LIMA1: variants seen among roughly 807,000 people sequenced by gnomAD.
The protein encoded by LIMA1 is LIM domain and actin-binding protein 1.
Under a neutral mutation model 62.6 loss-of-function variants are expected in LIMA1, and 52 were observed. The observed-to-expected ratio is 0.83, with a 90% CI of 0.67 to 1.05. The LOEUF is 1.05. Ranked by LOEUF, LIMA1 falls within the 50% of genes least tolerant of loss-of-function variation. The pLI, the probability that LIMA1 is intolerant of heterozygous loss-of-function variation, is 0.00. For missense variants in LIMA1, 780 were observed against 902.2 expected (o/e 0.86, Z 1.74); for synonymous variants, 302 against 317.8 (o/e 0.95, Z 0.53).
intron 1 of LIMA1, among the ~76,000 whole-genome samples, chr12:50,266,780 T>C (rs1370910682): frequency 3.9e-5 from 6 of 152,248 alleles, no homozygotes; most frequent in Non-Finnish European, 5.9e-5. Context: ...ATTATTTTTA[T>C]TTTTTCCAAT....
chr12:50,215,878 C>T (rs137920360), intron 4 of LIMA1, among the ~76,000 whole-genome samples: 5,506 of 152,068 alleles, frequency 0.036, 128 homozygotes, highest in South Asian at 0.08. Flanking sequence ...GGCAAAACCC[C>T]GTCTCTACTA....
At chr12:50,229,922 T>G (rs1304160771) in intron 3 of LIMA1, 2 of 152,622 alleles carry the variant, frequency 1.3e-5, no homozygotes, top group African/African-American at 2.4e-5. Context: ...TTCAAATCTC[T>G]GCTCAAACGT....
At chr12:50,236,202 C>T (rs980813197) in intron 2 of LIMA1, among the ~76,000 whole-genome samples, 6 of 151,946 alleles carry the variant, frequency 3.9e-5, no homozygotes, top group Non-Finnish European at 5.9e-5. Context: ...AAAAGAACAT[C>T]TCATGACTCT....
At chr12:50,197,872 G>A (rs978355383) in intron 7 of LIMA1, among the ~76,000 whole-genome samples, 7 of 150,512 alleles carry the variant, frequency 4.7e-5, no homozygotes, top group Non-Finnish European at 7.4e-5. Flanking sequence ...TTATTCTTAA[G>A]AAATAATCTC....
At chr12:50,201,412 T>G in intron 6 of LIMA1, 1 of 983,138 alleles carries the variant, frequency 1.0e-6, no homozygotes, top group Non-Finnish European at 1.2e-6. Context: ...GGTGGGACTT[T>G]CAAAAAGCAT....
chr12:50,265,698 G>C (rs1235867692), intron 1 of LIMA1, among the ~76,000 whole-genome samples: 3 of 152,030 alleles, frequency 2.0e-5, no homozygotes, highest in Non-Finnish European at 1.5e-5. Context: ...TTATTCAAAA[G>C]TCAAATTAAA....
chr12:50,237,911 A>G (rs1941719241), intron 2 of LIMA1, among the ~76,000 whole-genome samples: 1 of 152,228 alleles, frequency 6.6e-6, no homozygotes, highest in South Asian at 2.1e-4. Context: ...AAATTGGACT[A>G]CCATATACAA....
chr12:50,254,027 CA>C (rs376086760), intron 1 of LIMA1, among the ~76,000 whole-genome samples: 59 of 93,764 alleles, frequency 6.3e-4, no homozygotes, highest in African/African-American at 1.1e-3. Context: ...GACTCTGTCT[CA>C]AAAAAAAAAA....
At position 50,231,672 on chromosome 12, in the gene LIMA1, T is replaced by A. The variant is rs1941613042; in HGVS notation, c.158A>T (p.Lys53Met). ...KAAEETNMEK[K>M]RSNTENLSQH... ...GAATTTCTGAATACTTACACTTCTCTTCTTCTCCATGTTTGTTTCTTCAGC... is the reference window on the plus strand; with the variant it reads ...GAATTTCTGAATACTTACACTTCTCATCTTCTCCATGTTTGTTTCTTCAGC... The change falls in exon 3 of 11, where the codon AAG becomes ATG. Residue 53 changes from lysine (K) to methionine (M), a missense_variant. By Grantham distance (95) the Lys-to-Met change is moderately conservative. Transcript: ENST00000341247. 3.7e-6 allele frequency: 6 copies of A among 1,614,062 alleles called. No homozygotes were observed. The highest frequency in any genetic ancestry group is 5.1e-6 in the Non-Finnish European group (6 of 1,179,898).
At chr12:50,227,683 A>G (rs1324029855) in intron 3 of LIMA1, among the ~76,000 whole-genome samples, 5 of 151,962 alleles carry the variant, frequency 3.3e-5, no homozygotes, top group African/African-American at 1.2e-4. Flanking sequence ...TAGAATACAA[A>G]GATTCTGCCA....
chr12:50,229,109 TC>T (rs1941572506), intron 3 of LIMA1, among the ~76,000 whole-genome samples: 1 of 152,216 alleles, frequency 6.6e-6, no homozygotes, highest in South Asian at 2.1e-4. Context: ...ACTACTCTAG[TC>T]CAAACCATAT....
At chr12:50,205,888 A>C in intron 5 of LIMA1, 96 bp downstream of exon 5, 1 of 748,888 alleles carries the variant, frequency 1.3e-6, no homozygotes. Flanking sequence ...AATTTGTGCC[A>C]CTCTTCCTTT....
chr12:50,260,159 T>C (rs1240061579), intron 1 of LIMA1, among the ~76,000 whole-genome samples: 4 of 151,846 alleles, frequency 2.6e-5, no homozygotes, highest in African/African-American at 9.7e-5. Flanking sequence ...TTTTTTTTTT[T>C]TTTTTTAGAC....
At chr12:50,239,632 T>A (rs947948145) in intron 2 of LIMA1, among the ~76,000 whole-genome samples, 3 of 70,358 alleles carry the variant, frequency 4.3e-5, no homozygotes, top group African/African-American at 1.6e-4. Flanking sequence ...AAAGCGAGAC[T>A]CTGTCTCAAA....
intron 4 of LIMA1, among the ~76,000 whole-genome samples, chr12:50,210,063 C>T (rs1357320972): frequency 6.6e-6 from 1 of 152,166 alleles, no homozygotes. Context: ...TGGAAGATAA[C>T]CACTACAAAA....
chr12:50,178,966 A>ATATTTTTTTTT (rs56674261), intron 10 of LIMA1, among the ~76,000 whole-genome samples: 2 of 128,930 alleles, frequency 1.6e-5, no homozygotes, highest in East Asian at 2.1e-4. Flanking sequence ...ATATATATAT[A>ATATTTTTTTTT]TTTTTTTTTT....
At chr12:50,280,964 G>A (rs915777728) in intron 1 of LIMA1, among the ~76,000 whole-genome samples, 1 of 152,100 alleles carries the variant, frequency 6.6e-6, no homozygotes, top group Admixed American at 6.6e-5. Flanking sequence ...CTTAGGACTC[G>A]TTATACATTT....
intron 8 of LIMA1, among the ~76,000 whole-genome samples, chr12:50,194,359 C>A (rs969716478): frequency 7.1e-6 from 1 of 141,098 alleles, no homozygotes; most frequent in Non-Finnish European, 1.5e-5. Flanking sequence ...TGCGATGGTG[C>A]GATCTCAGCT....
intron 10 of LIMA1, among the ~76,000 whole-genome samples, chr12:50,178,405 G>T (rs911464509): frequency 3.9e-5 from 6 of 152,110 alleles, no homozygotes; most frequent in South Asian, 2.1e-4. Context: ...AAATTAGCTG[G>T]GTGTGGTGGC....
Sources: allele counts gnomAD v4.1 joint callset (sites outside exome capture counted in the v4.1 genomes callset), GRCh38; gene constraint gnomAD v4.1.1; transcripts MANE v1.5; gene names NCBI Gene and HGNC (gene_info 2026-07-23, HGNC 2026-07-21).